The following SPTB variants were observed in gnomAD, a reference collection of about 807,000 sequenced individuals.
The protein encoded by SPTB is spectrin beta, erythrocytic, also known as spectrin beta chain, erythrocytic.
SPTB carries 45 observed loss-of-function variants against 256.2 expected under a neutral mutation model. The observed-to-expected ratio is 0.18, with a 90% CI of 0.14 to 0.23. The LOEUF (loss-of-function observed/expected upper bound fraction) is 0.23, where lower values mean the gene tolerates loss of function less well. SPTB is among the 10% of genes least tolerant of loss of function. SPTB has a pLI of 1.00. For missense variants in SPTB, 2,715 were observed against 3,040.4 expected, an observed-to-expected ratio of 0.89 and a Z score of 2.52; for synonymous variants, 1,231 against 1,243.1, an observed-to-expected ratio of 0.99 and a Z score of 0.21.
rs1040185079 is a variant in SPTB, at chr14:64,801,551, G to A, written c.648-151C>T. ...AGATGGGAGCAGAGGAGAGGGGGCAGGTGTGAGCCTTGGCATATGAGGGAA... is the reference window on the plus strand; with the variant it reads ...AGATGGGAGCAGAGGAGAGGGGGCAAGTGTGAGCCTTGGCATATGAGGGAA... On this transcript the variant is annotated intron_variant, in intron 6 of 35. Transcript: ENST00000644917. 15 of 811,298 alleles carry A rather than the reference G, an allele frequency of 1.8e-5. No homozygotes were observed. In the African/African-American group the frequency reaches 2.5e-4, roughly 14 times the overall value. 50.3% of individuals were successfully genotyped at this position (811,298 alleles called of 1,614,324 possible).
Position 64,785,521 on chromosome 14 carries a change from C to T in SPTB, c.3855+16G>A, listed in dbSNP as rs756432476. ...GGAATCTCCAGGAAAGCAGCCACTC[C>T]TTGCTGGAGCCTCACCTCCTGGCAG... On this transcript the variant is annotated intron_variant, in intron 18 of 35. Transcript: ENST00000644917. The surrounding 1 kb of genome is among the most constrained non-coding windows in gnomAD (Gnocchi z 4.4). 1.2e-6 allele frequency: 2 copies of T among 1,606,992 alleles called. No individual in the cohort carries two copies. The highest frequency in any genetic ancestry group is 1.7e-5 in the Admixed American group (1 of 58,882).
intron 2 of SPTB, among the ~76,000 whole-genome samples, chr14:64,809,661 A>T (rs747744548): frequency 8.5e-5 from 13 of 152,196 alleles, no homozygotes; most frequent in Non-Finnish European, 1.2e-4. Context: ...AAAGCTTTGA[A>T]TGAGAGGCTA....
intron 10 of SPTB, among the ~76,000 whole-genome samples, chr14:64,797,442 G>A (rs2082792032): frequency 8.2e-6 from 1 of 122,198 alleles, no homozygotes; most frequent in South Asian, 2.9e-4. Context: ...ACTACCACCT[G>A]GGTGACAGAG....
At position 64,824,421 on chromosome 14, in the gene SPTB, G is replaced by A. The variant is rs1291290945; in HGVS notation, c.-51-1276C>T. On this transcript the variant is annotated intron_variant, in intron 1 of 35. Coordinates refer to ENST00000644917, the MANE Select transcript of SPTB (RefSeq NM_001355436.2). The surrounding 1 kb of genome is among the most constrained non-coding windows in gnomAD (Gnocchi z 5.7). ...GGGAGAAAAGTGAGGAGGGGGCCAG[G>A]GGAGCCAGGCTTGGTCTTCAATGCC... 1.3e-5 allele frequency among the ~76,000 whole-genome samples: 2 copies of A among 152,166 alleles called. No individual in the cohort carries two copies. The highest frequency in any genetic ancestry group is 2.9e-5 in the Non-Finnish European group (2 of 68,016).
chr14:64,838,934 A>T (rs1342770793), intron 1 of SPTB, among the ~76,000 whole-genome samples: 2 of 152,260 alleles, frequency 1.3e-5, no homozygotes, highest in East Asian at 3.9e-4. Context: ...GAAGTTTGAG[A>T]CCAGCCTGAC....
intron 1 of SPTB, among the ~76,000 whole-genome samples, chr14:64,832,148 C>T (rs949185655): frequency 6.6e-6 from 1 of 152,188 alleles, no homozygotes; most frequent in Non-Finnish European, 1.5e-5. Context: ...TTCATGGTAG[C>T]TTCTAGCTTC....
At chr14:64,776,893 A>G (rs1201867083) in intron 22 of SPTB, among the ~76,000 whole-genome samples, 1 of 152,242 alleles carries the variant, frequency 6.6e-6, no homozygotes, top group Non-Finnish European at 1.5e-5. Context: ...TAATAGGGAC[A>G]ATATAGAAAC....
In SPTB at chr14:64,777,921, G is replaced by T. The variant is rs1010321081; in HGVS notation, c.4563+1236C>A. On this transcript the variant is annotated intron_variant, in intron 22 of 35. Coordinates refer to ENST00000644917, the MANE Select transcript of SPTB (RefSeq NM_001355436.2). The surrounding 1 kb of genome is among the most constrained non-coding windows in gnomAD (Gnocchi z 4.5). Reference sequence around the variant, plus strand: ...CCCGAAATAGCAACTGCCAGCCAGGGGAGTTAAAAACCTTTGAACAATAAC... The same window carrying T: ...CCCGAAATAGCAACTGCCAGCCAGGTGAGTTAAAAACCTTTGAACAATAAC... 6.6e-6 allele frequency among the ~76,000 whole-genome samples: 1 copy of T among 152,120 alleles called. No homozygotes were observed. The highest frequency in any genetic ancestry group is 6.5e-5 in the Admixed American group (1 of 15,276).
chr14:64,781,516 T>TA (rs1272819428), intron 20 of SPTB, among the ~76,000 whole-genome samples: 3 of 152,236 alleles, frequency 2.0e-5, no homozygotes, highest in African/African-American at 7.2e-5. Context: ...CACAGTGAGA[T>TA]ACCATCTCAC....
At chr14:64,872,106 G>T (rs1415726639) in intron 1 of SPTB, among the ~76,000 whole-genome samples, 1 of 151,974 alleles carries the variant, frequency 6.6e-6, no homozygotes, top group East Asian at 1.9e-4. Context: ...TGAAAAGTCT[G>T]CCAAGACTAT....
At chr14:64,776,340 A>G (rs1240902763) in intron 22 of SPTB, among the ~76,000 whole-genome samples, 4 of 152,210 alleles carry the variant, frequency 2.6e-5, no homozygotes, top group African/African-American at 9.6e-5. Flanking sequence ...CTCAATTTTT[A>G]CAATTTCCTA....
At chr14:64,754,104 GATT>G (rs2081989723) in intron 32 of SPTB, 1 of 492,816 alleles carries the variant, frequency 2.0e-6, no homozygotes, top group Non-Finnish European at 3.7e-6. Context: ...GGGCCTGAGT[GATT>G]ATTTCATTAA....
intron 2 of SPTB, among the ~76,000 whole-genome samples, chr14:64,808,911 T>C (rs1221889472): frequency 2.0e-5 from 3 of 151,420 alleles, no homozygotes; most frequent in Admixed American, 6.6e-5. Flanking sequence ...CCGCTTTGGA[T>C]TGTGAAGGGG....
At chr14:64,813,904 A>G (rs1258100645) in intron 2 of SPTB, among the ~76,000 whole-genome samples, 1 of 152,246 alleles carries the variant, frequency 6.6e-6, no homozygotes, top group Non-Finnish European at 1.5e-5. Context: ...AAAGCCTAGC[A>G]TGGGGCAGAC....
intron 1 of SPTB, among the ~76,000 whole-genome samples, chr14:64,837,320 CTT>C (rs2083540663): frequency 6.6e-6 from 1 of 152,208 alleles, no homozygotes; most frequent in Admixed American, 6.5e-5. Context: ...TAGGTTGACA[CTT>C]TTATCTATTC....
chr14:64,874,984 A>G (rs1412462423), intron 1 of SPTB, among the ~76,000 whole-genome samples: 1 of 152,108 alleles, frequency 6.6e-6, no homozygotes, highest in African/African-American at 2.4e-5. Flanking sequence ...AATTTATAAC[A>G]TTCAAATGAA....
Position 64,795,249 on chromosome 14 carries a change from T to G in SPTB, c.1644+88A>C, listed in dbSNP as rs1594784677. ...CTCAGAGATATGACTGGCTGGGAGG[T>G]GTCTAAGGAAGCCTATGCTAACTGC... is the stretch of plus-strand genomic sequence containing the variant. On this transcript the variant is annotated intron_variant, in intron 12 of 35. Coordinates refer to ENST00000644917, the MANE Select transcript of SPTB (RefSeq NM_001355436.2). This position sits in a 1 kb window ranked among gnomAD's most constrained non-coding sequence, Gnocchi z 6.5. 4.2e-5 allele frequency: 61 copies of G among 1,437,562 alleles called. No homozygotes were observed. The highest frequency in any genetic ancestry group is 4.2e-4 in the East Asian group (18 of 42,580). 89.1% of individuals were successfully genotyped at this position (1,437,562 alleles called of 1,614,324 possible).
rs2082333013 is a variant in SPTB at position 64,774,804 on chromosome 14, C to T, written c.4843-277G>A. Among the ~76,000 whole-genome samples, 7 of 152,260 alleles carry T rather than the reference C, an allele frequency of 4.6e-5. No individual in the cohort carries two copies. The South Asian group carries it at 1.4e-3, about 32-fold the overall frequency. ...CCCATGAAAACATCCTATATCATTC[C>T]AGCTTTGAGAGACCCCCACCTGTCA... On this transcript the variant is annotated intron_variant, in intron 23 of 35. Transcript: ENST00000644917.
intron 1 of SPTB, among the ~76,000 whole-genome samples, chr14:64,858,551 G>A (rs1227025941): frequency 1.3e-5 from 2 of 152,068 alleles, no homozygotes; most frequent in African/African-American, 2.4e-5. Flanking sequence ...GAGAGACAGC[G>A]GAAGCTGCAA....
Sources: allele counts gnomAD v4.1 joint callset (sites outside exome capture counted in the v4.1 genomes callset), GRCh38; gene constraint gnomAD v4.1.1; non-coding constraint Gnocchi (gnomAD v3.1); transcripts MANE v1.5; gene names NCBI Gene and HGNC (gene_info 2026-07-23, HGNC 2026-07-21).